ASIP: variants seen among roughly 807,000 people sequenced by gnomAD.
ASIP encodes agouti signaling protein.
A neutral mutation model predicts 10.3 loss-of-function variants in ASIP; 11 were observed. The observed-to-expected ratio is 1.07, with a 90% CI of 0.68 to 1.78. The LOEUF (loss-of-function observed/expected upper bound fraction) is 1.78, where lower values mean the gene tolerates loss of function less well. Ranked by LOEUF, ASIP falls within the 40% of genes most tolerant of loss-of-function variation. The pLI, the probability that ASIP is intolerant of heterozygous loss-of-function variation, is 0.00. For synonymous variants in ASIP, 70 were observed against 70.8 expected, an observed-to-expected ratio of 0.99 and a Z score of 0.06; for missense variants, 180 against 169.2, an observed-to-expected ratio of 1.06 and a Z score of -0.35.
Position 34,269,184 on chromosome 20 carries a change from C to A in ASIP, c.*17C>A. The A allele has an allele frequency of 6.7e-7, 1 of 1,486,982 alleles. No individual in the cohort carries two copies. Among genetic ancestry groups the A allele is most frequent in the South Asian group, 1.3e-5 (1 of 76,482 alleles). 92.1% of individuals were successfully genotyped at this position (1,486,982 alleles called of 1,614,324 possible). Reference sequence around the variant, plus strand: ...AACTGCTGAGCGCCCCCACTCCCGGCCGCGAGCAGGCAGGGCTTCGGGGAC... The same window carrying A: ...AACTGCTGAGCGCCCCCACTCCCGGACGCGAGCAGGCAGGGCTTCGGGGAC... On this transcript the variant is annotated 3_prime_UTR_variant, in exon 4 of 4. Coordinates refer to ENST00000374954, the MANE Select transcript of ASIP (RefSeq NM_001672.3).
At chr20:34,193,432 C>CT (rs376572089), upstream of ASIP, among the ~76,000 whole-genome samples, 1,029 of 146,684 alleles carry the variant, frequency 7.0e-3, 5 homozygotes, top group Middle Eastern at 0.032. Context: ...TTTCTTCCAT[C>CT]TTTTTTTTTT....
chr20:34,235,207 C>T (rs1311923526), intron 1 of ASIP, among the ~76,000 whole-genome samples: 7 of 152,124 alleles, frequency 4.6e-5, no homozygotes, highest in Non-Finnish European at 7.4e-5. Flanking sequence ...TTTGAGAGGC[C>T]GAGGTGGGCA....
intron 1 of ASIP, chr20:34,214,182 G>A: frequency 5.7e-6 from 7 of 1,235,780 alleles, no homozygotes; most frequent in Non-Finnish European, 8.4e-6. Context: ...CTCAATGAAA[G>A]GATTCATTTG....
At chr20:34,220,727 T>C (rs1038666565) in intron 1 of ASIP, among the ~76,000 whole-genome samples, 1 of 152,108 alleles carries the variant, frequency 6.6e-6, no homozygotes, top group African/African-American at 2.4e-5. Flanking sequence ...ATGAATTCAT[T>C]TGACATGCTT....
At chr20:34,210,799 TTAGCA>T (rs1158636543) in intron 1 of ASIP, among the ~76,000 whole-genome samples, 1 of 152,210 alleles carries the variant, frequency 6.6e-6, no homozygotes, top group Non-Finnish European at 1.5e-5. Flanking sequence ...TTTTCCCCAT[TTAGCA>T]TGCTGTTAGC....
intron 3 of ASIP, 125 bp from the exon 4 acceptor site, chr20:34,268,866 G>A (rs2035836519): frequency 8.2e-7 from 1 of 1,219,614 alleles, no homozygotes; most frequent in Non-Finnish European, 1.2e-6. Flanking sequence ...GGCGGTGGGC[G>A]GTGGGCAAGC....
upstream of ASIP, among the ~76,000 whole-genome samples, chr20:34,240,166 A>G (rs1014284263): frequency 2.6e-5 from 4 of 152,240 alleles, no homozygotes; most frequent in African/African-American, 9.6e-5. Context: ...AAGAGAAAAA[A>G]GAAGCATTTG....
At chr20:34,250,532 T>C (rs1568763804) in intron 1 of ASIP, among the ~76,000 whole-genome samples, 1 of 152,026 alleles carries the variant, frequency 6.6e-6, no homozygotes, top group African/African-American at 2.4e-5. Context: ...GCACGGTGGC[T>C]CACACCTGTA....
chr20:34,215,943 TC>T (rs973969329), intron 1 of ASIP: 7 of 783,840 alleles, frequency 8.9e-6, no homozygotes, highest in Non-Finnish European at 1.6e-5. Flanking sequence ...TGCCCTCTGA[TC>T]CCACAGAAGA....
intron 1 of ASIP, among the ~76,000 whole-genome samples, chr20:34,202,949 C>CA (rs1300854844): frequency 1.3e-5 from 2 of 151,408 alleles, no homozygotes; most frequent in African/African-American, 4.8e-5. Flanking sequence ...GCTGGGACCA[C>CA]AGGCGCCCGC....
At chr20:34,256,157 C>T (rs1301667809) in intron 1 of ASIP, among the ~76,000 whole-genome samples, 5 of 152,250 alleles carry the variant, frequency 3.3e-5, no homozygotes, top group African/African-American at 7.2e-5. Context: ...CCTCTCTCTC[C>T]GCCTCGGCTG....
intron 1 of ASIP, among the ~76,000 whole-genome samples, chr20:34,221,104 C>T (rs2122563552): frequency 6.6e-6 from 1 of 152,042 alleles, no homozygotes; most frequent in East Asian, 1.9e-4. Context: ...CAGGGCCAGG[C>T]GCGATGGCTC....
intron 1 of ASIP, among the ~76,000 whole-genome samples, chr20:34,223,660 C>A (rs1391269329): frequency 6.8e-6 from 1 of 146,406 alleles, no homozygotes; most frequent in Non-Finnish European, 1.5e-5. Context: ...TCTGCCCGGC[C>A]GCCCCTACTG....
At chr20:34,258,698 A>AC (rs1410140417) in intron 1 of ASIP, among the ~76,000 whole-genome samples, 2 of 62,048 alleles carry the variant, frequency 3.2e-5, no homozygotes, top group South Asian at 4.9e-4. Context: ...TATACATACT[A>AC]TATATATATA....
At chr20:34,195,910 G>A (rs1029776344) in intron 1 of ASIP, among the ~76,000 whole-genome samples, 1 of 151,954 alleles carries the variant, frequency 6.6e-6, no homozygotes, top group African/African-American at 2.4e-5. Flanking sequence ...ATTGTAACTG[G>A]CTCTGGGTTG....
At chr20:34,236,068 A>G (rs2035204732) in intron 1 of ASIP, among the ~76,000 whole-genome samples, 2 of 144,588 alleles carry the variant, frequency 1.4e-5, no homozygotes, top group East Asian at 2.1e-4. Flanking sequence ...GAGAGAGAGA[A>G]AGAAAGAGAA....
At chr20:34,188,780 T>C in the ASIP span, among the ~76,000 whole-genome samples, 27 of 152,284 alleles carry the variant, frequency 1.8e-4, no homozygotes, top group East Asian at 4.8e-3. Flanking sequence ...AATCCTGACA[T>C]TGCTATTCAA....
chr20:34,201,211 G>A (rs534808587), intron 1 of ASIP, among the ~76,000 whole-genome samples: 2 of 152,114 alleles, frequency 1.3e-5, no homozygotes, highest in South Asian at 2.1e-4. Context: ...ACCGGAGTGC[G>A]GGTGACAAGG....
At chr20:34,199,078 A>C (rs189517912) in intron 1 of ASIP, among the ~76,000 whole-genome samples, 85 of 152,172 alleles carry the variant, frequency 5.6e-4, no homozygotes, top group Admixed American at 1.1e-3. Flanking sequence ...TGTGAGATTC[A>C]TTTATGTTGT....
Sources: allele counts gnomAD v4.1 joint callset (sites outside exome capture counted in the v4.1 genomes callset), GRCh38; gene constraint gnomAD v4.1.1; transcripts MANE v1.5; gene names NCBI Gene and HGNC (gene_info 2026-07-23, HGNC 2026-07-21).